Variants in VAV3 observed in about 807,000 individuals in gnomAD.
VAV3 encodes vav guanine nucleotide exchange factor 3.
Under a neutral mutation model 131.2 loss-of-function variants are expected in VAV3, and 94 were observed. The ratio of observed to expected loss-of-function variants is 0.72; its 90% CI spans 0.61 to 0.85. VAV3 has a LOEUF of 0.85. Ranked by LOEUF, VAV3 falls within the 40% of genes least tolerant of loss-of-function variation. VAV3 has a pLI of 0.00. For synonymous variants in VAV3, 349 were observed against 342.0 expected, an observed-to-expected ratio of 1.02 and a Z score of -0.22; for missense variants, 939 against 1,002.7, an observed-to-expected ratio of 0.94 and a Z score of 0.86.
chr1:107,739,301 CG>C (rs1662869134), intron 15 of VAV3, among the ~76,000 whole-genome samples: 1 of 152,144 alleles, frequency 6.6e-6, no homozygotes, highest in African/African-American at 2.4e-5. Flanking sequence ...CGCATGTTTC[CG>C]GATCAAACAG....
chr1:107,752,945 G>C (rs1165924122), intron 12 of VAV3, among the ~76,000 whole-genome samples: 1 of 152,092 alleles, frequency 6.6e-6, no homozygotes, highest in African/African-American at 2.4e-5. Flanking sequence ...CCACTTCCAA[G>C]TATATAACTA....
intron 15 of VAV3, among the ~76,000 whole-genome samples, chr1:107,706,173 A>G (rs894397247): frequency 6.6e-6 from 1 of 152,150 alleles, no homozygotes; most frequent in Non-Finnish European, 1.5e-5. Flanking sequence ...ACGCAATTTG[A>G]GAGACTGTAG....
chr1:107,721,225 G>T (rs1661478575), intron 15 of VAV3, among the ~76,000 whole-genome samples: 1 of 152,134 alleles, frequency 6.6e-6, no homozygotes, highest in Non-Finnish European at 1.5e-5. Flanking sequence ...GGTGGGGGAG[G>T]AAAGTGAGGG....
At chr1:107,678,909 ATAG>A (rs1429553446) in intron 19 of VAV3, among the ~76,000 whole-genome samples, 2 of 152,232 alleles carry the variant, frequency 1.3e-5, no homozygotes, top group East Asian at 3.9e-4. Flanking sequence ...CTGCACAAAA[ATAG>A]TATATAATAT....
At chr1:107,604,481 T>A (rs1351123766) in intron 22 of VAV3, among the ~76,000 whole-genome samples, 2 of 152,174 alleles carry the variant, frequency 1.3e-5, no homozygotes, top group Non-Finnish European at 2.9e-5. Context: ...ATCTCTTACA[T>A]CTACCTTCAT....
In VAV3 at chr1:107,642,691, T is replaced by A. The variant is rs755968703; in HGVS notation, c.1842A>T (p.Gly614=). 1.9e-5 allele frequency: 30 copies of A among 1,613,228 alleles called. No homozygotes were observed. The East Asian group carries it at 6.5e-4, about 35-fold the overall frequency. Residue 614 remains glycine, a synonymous_variant, in exon 20 of 27, where the codon GGA becomes GGT. Transcript: ENST00000370056. ...CCCCGGCCTGGAGCTGTAAAGGGGG[T>A]CCTTCATGCAGAGCTGGGGGTGGTG... is the stretch of plus-strand genomic sequence containing the variant. ...SGTPPPALHE[G]PPLQLQAGDT...
intron 1 of VAV3, among the ~76,000 whole-genome samples, chr1:107,903,130 T>C (rs1671948002): frequency 6.6e-6 from 1 of 152,048 alleles, no homozygotes. Context: ...CATGGGAATG[T>C]GCTATAGAGA....
chr1:107,861,343 G>A (rs926619782), intron 2 of VAV3, among the ~76,000 whole-genome samples: 13 of 151,550 alleles, frequency 8.6e-5, no homozygotes, highest in Admixed American at 8.6e-4. Context: ...ATACTTCATA[G>A]TAACTTTGCT....
At chr1:107,950,087 T>TA (rs1464588105) in intron 1 of VAV3, among the ~76,000 whole-genome samples, 2 of 151,188 alleles carry the variant, frequency 1.3e-5, no homozygotes, top group African/African-American at 4.9e-5. Context: ...GGTTCATCGA[T>TA]AACGCTCTCC....
intron 15 of VAV3, among the ~76,000 whole-genome samples, chr1:107,740,659 A>C (rs1001605848): frequency 2.0e-5 from 3 of 152,234 alleles, no homozygotes; most frequent in African/African-American, 7.2e-5. Context: ...GTTTCATTAT[A>C]GCTGAGATCA....
intron 9 of VAV3, among the ~76,000 whole-genome samples, chr1:107,761,706 A>ACT (rs752954188): frequency 2.0e-5 from 3 of 152,004 alleles, no homozygotes; most frequent in Non-Finnish European, 4.4e-5. Flanking sequence ...AATTGGGTGT[A>ACT]CTCTCTCTCT....
At chr1:107,927,647 A>C (rs922712361) in intron 1 of VAV3, among the ~76,000 whole-genome samples, 1 of 151,254 alleles carries the variant, frequency 6.6e-6, no homozygotes, top group African/African-American at 2.4e-5. Flanking sequence ...GTCCCGTAGT[A>C]CTCCCTGTGG....
At chr1:107,917,085 G>GGTGCAGAAA (rs1672659495) in intron 1 of VAV3, among the ~76,000 whole-genome samples, 1 of 152,082 alleles carries the variant, frequency 6.6e-6, no homozygotes, top group African/African-American at 2.4e-5. Context: ...GATCAAGCTG[G>GGTGCAGAAA]GTGCAGAAAG....
At chr1:107,651,564 G>C (rs6673198) in intron 19 of VAV3, among the ~76,000 whole-genome samples, 19,924 of 149,928 alleles carry the variant, frequency 0.13, 1,466 homozygotes, top group Non-Finnish European at 0.16. Flanking sequence ...GAGGGAGGGA[G>C]GGACCCTTTC....
At chr1:107,650,307 T>C (rs1656059870) in intron 19 of VAV3, among the ~76,000 whole-genome samples, 1 of 152,048 alleles carries the variant, frequency 6.6e-6, no homozygotes, top group Non-Finnish European at 1.5e-5. Context: ...ATTAACATAC[T>C]TTACCTTCTT....
Position 107,753,526 on chromosome 1 carries a change from ACG to A in VAV3, c.1173+1899_1173+1900del, listed in dbSNP as rs1491039167. On this transcript the variant is annotated intron_variant, in intron 12 of 26. Coordinates refer to ENST00000370056, the MANE Select transcript of VAV3 (RefSeq NM_006113.5). ...TATATATACACACATATATATATAT[ACG>A]TATATATATATATATATATATACAC... 7.8e-3 allele frequency among the ~76,000 whole-genome samples: 696 copies of A among 88,918 alleles called. 27 individuals carry two copies. The highest frequency in any genetic ancestry group is 0.018 in the East Asian group (48 of 2,648). The allele number at this position is 88,918 out of a possible 152,430, so 58.3% of individuals were successfully genotyped here.
intron 1 of VAV3, among the ~76,000 whole-genome samples, chr1:107,878,913 TTCTAAC>T (rs1391779684): frequency 6.6e-6 from 1 of 152,184 alleles, no homozygotes; most frequent in African/African-American, 2.4e-5. Flanking sequence ...ATAGTGATTT[TTCTAAC>T]TCTATCATTC....
At chr1:107,657,878 T>C (rs570618292) in intron 19 of VAV3, among the ~76,000 whole-genome samples, 5 of 152,340 alleles carry the variant, frequency 3.3e-5, no homozygotes, top group South Asian at 2.1e-4. Context: ...AACTTAATCA[T>C]TAGTACAGTC....
intron 20 of VAV3, among the ~76,000 whole-genome samples, chr1:107,641,582 T>C (rs1330771412): frequency 6.6e-6 from 1 of 152,120 alleles, no homozygotes; most frequent in East Asian, 1.9e-4. Flanking sequence ...CCAAGAGAGA[T>C]TTCATCATGG....
Sources: allele counts gnomAD v4.1 joint callset (sites outside exome capture counted in the v4.1 genomes callset), GRCh38; gene constraint gnomAD v4.1.1; transcripts MANE v1.5; gene names NCBI Gene and HGNC (gene_info 2026-07-23, HGNC 2026-07-21).